KLF17: variants seen among roughly 807,000 people sequenced by gnomAD.
KLF17 encodes the protein Krueppel-like factor 17.
A neutral mutation model predicts 34.2 loss-of-function variants in KLF17; 31 were observed. That is an observed-to-expected ratio of 0.91 (90% CI 0.68 to 1.22). The LOEUF (loss-of-function observed/expected upper bound fraction) is 1.22, where lower values mean the gene tolerates loss of function less well. Ranked by LOEUF, KLF17 falls within the 50% of genes most tolerant of loss-of-function variation. The probability of loss-of-function intolerance (pLI) is 0.00; values close to 1 mark genes in which losing one functional copy is unlikely to be tolerated. For missense variants in KLF17, 478 were observed against 505.2 expected, an observed-to-expected ratio of 0.95 and a Z score of 0.52; for synonymous variants, 179 against 186.7, an observed-to-expected ratio of 0.96 and a Z score of 0.34.
At chr1:44,127,736 TTTTC>T (rs1229058700) in intron 1 of KLF17, among the ~76,000 whole-genome samples, 8 of 134,582 alleles carry the variant, frequency 5.9e-5, no homozygotes, top group African/African-American at 2.4e-4. Context: ...CTTTCTTCTC[TTTTC>T]TTTCTTCTCT....
At chr1:44,127,639 C>CTTTTCTTTTCTT (rs1553171634) in intron 1 of KLF17, among the ~76,000 whole-genome samples, 5 of 77,428 alleles carry the variant, frequency 6.5e-5, no homozygotes, top group East Asian at 4.5e-4. Context: ...CTTTTCTTTC[C>CTTTTCTTTTCTT]TTCTTTCTTT....
At chr1:44,078,434 C>CTTTTTTTTT in the KLF17 span, among the ~76,000 whole-genome samples, 1 of 122,034 alleles carries the variant, frequency 8.2e-6, no homozygotes. Flanking sequence ...GCTTTTCCTT[C>CTTTTTTTTT]TTCTTTTTTT....
the KLF17 span, among the ~76,000 whole-genome samples, chr1:44,097,531 G>T: frequency 6.6e-6 from 1 of 151,942 alleles, no homozygotes; most frequent in Non-Finnish European, 1.5e-5. Context: ...CATGGCACGT[G>T]TATACCTATG....
At chr1:44,102,559 TACACATACACACACACACACAC>T in the KLF17 span, among the ~76,000 whole-genome samples, 5,764 of 87,608 alleles carry the variant, frequency 0.066, 260 homozygotes, top group Middle Eastern at 0.13. Context: ...ATCACACACA[TACACATACACACACACACACAC>T]ACACACACAC....
chr1:44,122,178 C>G lies in KLF17; in HGVS notation c.81+3190C>G, dbSNP rs1293079491. 10 of 1,592,396 alleles carry G rather than the reference C, an allele frequency of 6.3e-6. No homozygotes were observed. The East Asian group carries it at 2.2e-4, about 36-fold the overall frequency. ...TTATCGCCTAGGACCCCCTCTTCCTCTGCCACGGCCACGTCCTCTTCCTCT... is the reference window on the plus strand; with the variant it reads ...TTATCGCCTAGGACCCCCTCTTCCTGTGCCACGGCCACGTCCTCTTCCTCT... On this transcript the variant is annotated intron_variant, in intron 1 of 3. Coordinates refer to ENST00000372299, the MANE Select transcript of KLF17 (RefSeq NM_173484.4).
chr1:44,104,023 T>G, the KLF17 span: 2 of 862,456 alleles, frequency 2.3e-6, no homozygotes, highest in Admixed American at 3.4e-5. Flanking sequence ...ATGGAGCGGC[T>G]GTTGTCCATG....
At chr1:44,083,761 T>C in the KLF17 span, among the ~76,000 whole-genome samples, 28 of 137,842 alleles carry the variant, frequency 2.0e-4, no homozygotes, top group Non-Finnish European at 3.0e-4. Context: ...ACCACTGTAT[T>C]CCAGCTTGGG....
the KLF17 span, chr1:44,104,210 C>G: frequency 9.2e-7 from 1 of 1,087,040 alleles, no homozygotes; most frequent in East Asian, 2.4e-5. Flanking sequence ...GATTCTCCAT[C>G]TCTGTACGCT....
At chr1:44,087,103 A>T in the KLF17 span, among the ~76,000 whole-genome samples, 1 of 152,192 alleles carries the variant, frequency 6.6e-6, no homozygotes, top group African/African-American at 2.4e-5. Flanking sequence ...TTGAGGGTTG[A>T]TAATACAGTT....
chr1:44,112,564 C>G, the KLF17 span, among the ~76,000 whole-genome samples: 1 of 152,104 alleles, frequency 6.6e-6, no homozygotes, highest in Non-Finnish European at 1.5e-5. Context: ...GCCACCATGC[C>G]TGGCCATTTT....
intron 1 of KLF17, chr1:44,122,316 C>G: frequency 6.3e-7 from 1 of 1,599,972 alleles, no homozygotes; most frequent in Non-Finnish European, 8.6e-7. Context: ...AATAAAATAC[C>G]GAATGTTATT....
chr1:44,096,573 G>C, the KLF17 span, among the ~76,000 whole-genome samples: 1 of 151,370 alleles, frequency 6.6e-6, no homozygotes, highest in African/African-American at 2.4e-5. Context: ...TAATTTTTTT[G>C]TATTTTTAGT....
chr1:44,102,411 G>A, the KLF17 span, among the ~76,000 whole-genome samples: 1 of 151,914 alleles, frequency 6.6e-6, no homozygotes, highest in Non-Finnish European at 1.5e-5. Flanking sequence ...AAATTAACCA[G>A]GTGTGGTGGT....
At chr1:44,055,076 G>A in the KLF17 span, among the ~76,000 whole-genome samples, 3 of 152,132 alleles carry the variant, frequency 2.0e-5, no homozygotes, top group African/African-American at 7.2e-5. Flanking sequence ...ACCATGCCTG[G>A]CCCAGTGTGC....
the KLF17 span, among the ~76,000 whole-genome samples, chr1:44,099,879 A>C: frequency 6.5e-5 from 5 of 77,320 alleles, no homozygotes; most frequent in Non-Finnish European, 9.0e-5. Flanking sequence ...GAAAGAAAGA[A>C]AGAAAGAAAG....
At chr1:44,095,730 T>C in the KLF17 span, among the ~76,000 whole-genome samples, 2 of 152,324 alleles carry the variant, frequency 1.3e-5, no homozygotes, top group South Asian at 2.1e-4. Flanking sequence ...AGAGAGATCT[T>C]TCCCTCCTTT....
chr1:44,091,113 A>G, the KLF17 span, among the ~76,000 whole-genome samples: 3 of 152,214 alleles, frequency 2.0e-5, no homozygotes, highest in Non-Finnish European at 4.4e-5. Flanking sequence ...ATTAAAACTG[A>G]GAATTTAAAA....
the KLF17 span, among the ~76,000 whole-genome samples, chr1:44,097,442 A>G: frequency 8.5e-5 from 13 of 152,312 alleles, no homozygotes; most frequent in African/African-American, 3.1e-4. Flanking sequence ...TTGAATCTAT[A>G]AATCACTTTG....
At chr1:44,078,967 G>A in the KLF17 span, among the ~76,000 whole-genome samples, 3 of 152,086 alleles carry the variant, frequency 2.0e-5, no homozygotes, top group African/African-American at 7.2e-5. Context: ...TTACAGGCAT[G>A]AGACACCGTG....
Sources: gnomAD v4.1 joint callset for allele counts (sites outside exome capture counted in the v4.1 genomes callset) on GRCh38, gnomAD v4.1.1 for gene constraint, MANE v1.5 for transcripts, NCBI Gene and HGNC (gene_info 2026-07-23, HGNC 2026-07-21) for gene names.